LBR: variants seen among roughly 807,000 people sequenced by gnomAD.
LBR encodes the protein delta(14)-sterol reductase LBR.
In LBR, 28 loss-of-function variants were observed where a neutral mutation model predicts 74.3. The observed-to-expected ratio is 0.38, with a 90% CI of 0.28 to 0.52. The LOEUF (loss-of-function observed/expected upper bound fraction) is 0.52, where lower values mean the gene tolerates loss of function less well. LBR is among the 20% of genes least tolerant of loss of function. The pLI, the probability that LBR is intolerant of heterozygous loss-of-function variation, is 0.89. For synonymous variants in LBR, 228 were observed against 269.3 expected (o/e 0.85, Z 1.50); for missense variants, 717 against 760.3 (o/e 0.94, Z 0.67).
At chr1:225,413,808 T>C in intron 7 of LBR, 1 of 361,234 alleles carries the variant, frequency 2.8e-6, no homozygotes, top group Non-Finnish European at 5.5e-6. Flanking sequence ...AGTAATTAGA[T>C]GAGGAAATTT....
chr1:225,423,801 T>A, intron 2 of LBR, 110 bp downstream of exon 2: 1 of 1,023,862 alleles, frequency 9.8e-7, no homozygotes, highest in Non-Finnish European at 1.5e-6. Context: ...AAGAGCTCAA[T>A]CCTCTGCCTT....
intron 2 of LBR, among the ~76,000 whole-genome samples, chr1:225,422,813 C>T (rs986600834): frequency 3.3e-5 from 5 of 152,186 alleles, no homozygotes; most frequent in African/African-American, 1.2e-4. Context: ...GTCCCTCACC[C>T]CAATTTTTGT....
rs566412801 is a variant in LBR at position 225,418,396 on chromosome 1, T to TA, written c.641-217dup. On this transcript the variant is annotated intron_variant, in intron 5 of 13. Transcript: ENST00000272163. ...AGTAAAAAAAATAAATAAATAAAAA[T>TA]AAAAAAAAAAAGAAAGAGGTCCAAC... Among the ~76,000 whole-genome samples the TA allele has an allele frequency of 8.5e-3, 1,201 of 140,554 alleles. 9 individuals carry two copies. Among genetic ancestry groups the TA allele is most frequent in the South Asian group, 0.019 (84 of 4,458 alleles). 92.2% of individuals were successfully genotyped at this position (140,554 alleles called of 152,430 possible).
intron 10 of LBR, among the ~76,000 whole-genome samples, chr1:225,407,206 T>C (rs933914341): frequency 5.3e-5 from 8 of 152,102 alleles, no homozygotes; most frequent in African/African-American, 1.2e-4. Flanking sequence ...CACCCACCAG[T>C]AGGCTGCAGT....
At chr1:225,415,512 T>C (rs1042074249) in intron 6 of LBR, among the ~76,000 whole-genome samples, 180 bp from the exon 7 acceptor site, 2 of 152,210 alleles carry the variant, frequency 1.3e-5, no homozygotes, top group African/African-American at 2.4e-5. Flanking sequence ...AGCCCTTTAA[T>C]GACGCAATTC....
Position 225,401,595 on chromosome 1 carries a change from G to A in LBR, c.*1708C>T, listed in dbSNP as rs1396112760. 1.3e-5 allele frequency: 2 copies of A among 152,152 alleles called. No individual in the cohort carries two copies. The highest frequency in any genetic ancestry group is 2.9e-5 in the Non-Finnish European group (2 of 68,034). The allele number at this position is 152,152 out of a possible 1,614,324, so 9.4% of individuals were successfully genotyped here. On this transcript the variant is annotated 3_prime_UTR_variant, in exon 14 of 14. Transcript: ENST00000272163. ...TCAAAAACAAACTTAAAAACAAAGT[G>A]TAGCTGATATCCAGAAATTGCAGCA... is the stretch of plus-strand genomic sequence containing the variant.
intron 5 of LBR, among the ~76,000 whole-genome samples, chr1:225,418,786 T>C (rs1319140025): frequency 6.6e-6 from 1 of 152,192 alleles, no homozygotes; most frequent in African/African-American, 2.4e-5. Flanking sequence ...ACTCCAAAAC[T>C]CTGCACACTT....
Position 225,406,815 on chromosome 1 carries a change from G to A in LBR, c.1332C>T (p.Thr444=). The change falls in exon 11 of 14, where the codon ACC becomes ACT. Residue 444 remains threonine, a synonymous_variant. Transcript: ENST00000272163. ...ALWNEEALLT[T]MDIIHDGFGF... ...CAAATCCATCGTGGATGATGTCCAT[G>A]GTCGTCAACAACGCTTCCTATAAGG... 6.2e-7 allele frequency: 1 copy of A among 1,614,212 alleles called. No homozygotes were observed. The highest frequency in any genetic ancestry group is 8.5e-7 in the Non-Finnish European group (1 of 1,180,020).
chr1:225,410,367 C>A lies in LBR; in HGVS notation c.1238G>T (p.Arg413Leu). 6.2e-7 allele frequency: 1 copy of A among 1,614,138 alleles called. No individual in the cohort carries two copies. The highest frequency in any genetic ancestry group is 1.1e-5 in the South Asian group (1 of 91,084). Residue 413 changes from arginine to leucine, a missense_variant, in exon 10 of 14, where the codon CGC becomes CTC. Transcript: ENST00000272163. ...MLLAEMKIQD[R>L]AVPSLAMILV... ...AATCATGGCCAAGGATGGAACAGCG[C>A]GGTCCTGTATTTTCATTTCAGCCAA...
At chr1:225,406,087 C>T (rs990538181) in intron 11 of LBR, among the ~76,000 whole-genome samples, 1 of 152,212 alleles carries the variant, frequency 6.6e-6, no homozygotes. Flanking sequence ...CCCCACCACA[C>T]ACCCTTGCTG....
At chr1:225,412,820 A>G (rs2096109018) in intron 7 of LBR, among the ~76,000 whole-genome samples, 175 bp from the exon 8 acceptor site, 1 of 152,246 alleles carries the variant, frequency 6.6e-6, no homozygotes, top group Non-Finnish European at 1.5e-5. Flanking sequence ...TTTTCAATAT[A>G]CATACCATTA....
At chr1:225,403,585 G>C in intron 13 of LBR, 122 bp from the exon 14 acceptor site, 1 of 744,430 alleles carries the variant, frequency 1.3e-6, no homozygotes, top group East Asian at 2.7e-5. Context: ...CTCTAATAAT[G>C]ATGAGAATAA....
intron 2 of LBR, chr1:225,422,483 C>T (rs2096129551): frequency 1.7e-6 from 1 of 591,168 alleles, no homozygotes; most frequent in African/African-American, 1.9e-5. Context: ...CAAATGCAGC[C>T]TTTCCATTCC....
At chr1:225,406,025 C>T (rs1024777702) in intron 11 of LBR, among the ~76,000 whole-genome samples, 1 of 152,180 alleles carries the variant, frequency 6.6e-6, no homozygotes, top group East Asian at 1.9e-4. Context: ...TGGTGGACCG[C>T]AGCTGCAGCC....
intron 9 of LBR, 65 bp from the exon 10 acceptor site, chr1:225,410,481 G>A (rs573606721): frequency 1.3e-6 from 2 of 1,551,146 alleles, no homozygotes; most frequent in Non-Finnish European, 1.8e-6. Context: ...CACTACAAAG[G>A]CATGAGTGAG....
At chr1:225,420,793 A>C (rs2096126211) in intron 3 of LBR, among the ~76,000 whole-genome samples, 1 of 152,060 alleles carries the variant, frequency 6.6e-6, no homozygotes, top group African/African-American at 2.4e-5. Context: ...AAAAAAAAAA[A>C]AATTATAATA....
chr1:225,404,363 C>G (rs769817828), intron 13 of LBR, 41 bp downstream of exon 13: 3 of 1,612,276 alleles, frequency 1.9e-6, no homozygotes, highest in Admixed American at 1.7e-5. Flanking sequence ...ATCTTTCTGG[C>G]GGCTAAAAGG....
chr1:225,404,104 C>A (rs1275836637), intron 13 of LBR, among the ~76,000 whole-genome samples: 4 of 152,058 alleles, frequency 2.6e-5, no homozygotes, highest in Admixed American at 2.6e-4. Context: ...AATCTATGTA[C>A]ACTGAATCAT....
chr1:225,423,276 A>G (rs771061515), intron 2 of LBR, among the ~76,000 whole-genome samples: 1 of 152,182 alleles, frequency 6.6e-6, no homozygotes, highest in African/African-American at 2.4e-5. Context: ...TACGGATCAG[A>G]TATCTTAAAA....
Sources: gnomAD v4.1 joint callset for allele counts (sites outside exome capture counted in the v4.1 genomes callset) on GRCh38, gnomAD v4.1.1 for gene constraint, MANE v1.5 for transcripts, NCBI Gene and HGNC (gene_info 2026-07-23, HGNC 2026-07-21) for gene names.